The following SPECC1 variants were observed in gnomAD, a reference collection of about 807,000 sequenced individuals.
The protein encoded by SPECC1 is sperm antigen with calponin homology and coiled-coil domains 1, also known as cytospin-B.
Under a neutral mutation model 104.1 loss-of-function variants are expected in SPECC1, and 62 were observed. The ratio of observed to expected loss-of-function variants is 0.60; its 90% CI spans 0.49 to 0.74. SPECC1 has a LOEUF of 0.74. Ranked by LOEUF, SPECC1 falls within the 30% of genes least tolerant of loss-of-function variation. SPECC1 has a pLI of 0.00. For synonymous variants in SPECC1, 513 were observed against 501.6 expected (o/e 1.02, Z -0.30); for missense variants, 1,306 against 1,310.5 (o/e 1.00, Z 0.05).
chr17:20,126,431 A>G (rs1289873511), intron 3 of SPECC1: 2 of 152,214 alleles, frequency 1.3e-5, no homozygotes, highest in Non-Finnish European at 2.9e-5. Flanking sequence ...ATCCTTACAC[A>G]GGAACCATGC....
intron 3 of SPECC1, among the ~76,000 whole-genome samples, chr17:20,195,560 A>ATTT (rs35368324): frequency 7.1e-6 from 1 of 140,308 alleles, no homozygotes; most frequent in Non-Finnish European, 1.5e-5. Flanking sequence ...ATAAAACCCA[A>ATTT]TTTTTTTTTT....
intron 3 of SPECC1, among the ~76,000 whole-genome samples, chr17:20,181,865 C>T (rs1202139964): frequency 6.6e-6 from 1 of 151,860 alleles, no homozygotes; most frequent in Non-Finnish European, 1.5e-5. Context: ...GTTCATAAAA[C>T]AAGACCTGAG....
At chr17:20,177,706 A>G (rs1032051268) in intron 3 of SPECC1, among the ~76,000 whole-genome samples, 3 of 151,908 alleles carry the variant, frequency 2.0e-5, no homozygotes, top group Admixed American at 1.3e-4. Flanking sequence ...TTTGTATTTT[A>G]TTTTATTTAT....
chr17:20,308,923 AATTAAT>A (rs1433003307), intron 14 of SPECC1, among the ~76,000 whole-genome samples: 4 of 152,230 alleles, frequency 2.6e-5, no homozygotes, highest in Non-Finnish European at 5.9e-5. Flanking sequence ...GTAGTGTTGT[AATTAAT>A]ATTTACTTCT....
Position 20,314,122 on chromosome 17 carries a change from G to A in SPECC1, c.*57G>A, listed in dbSNP as rs560655065. ...ACCTACTGCAGCTTTTCCTGGAAGCGCCTGATTACTGTCCACTGACCCTGC... is the reference window on the plus strand; with the variant it reads ...ACCTACTGCAGCTTTTCCTGGAAGCACCTGATTACTGTCCACTGACCCTGC... On this transcript the variant is annotated 3_prime_UTR_variant, in exon 15 of 15. Transcript: ENST00000395527. 4.0e-5 allele frequency: 59 copies of A among 1,469,488 alleles called. No homozygotes were observed. The African/African-American group carries it at 4.7e-4, about 12-fold the overall frequency. 91.0% of individuals were successfully genotyped at this position (1,469,488 alleles called of 1,614,324 possible).
intron 1 of SPECC1, among the ~76,000 whole-genome samples, chr17:20,037,055 T>C (rs749285974): frequency 6.6e-6 from 1 of 152,188 alleles, no homozygotes; most frequent in Non-Finnish European, 1.5e-5. Flanking sequence ...TTTTCTGCAT[T>C]GATTGATGTG....
At chr17:20,102,742 G>A (rs184659944) in intron 2 of SPECC1, among the ~76,000 whole-genome samples, 1 of 151,994 alleles carries the variant, frequency 6.6e-6, no homozygotes, top group Non-Finnish European at 1.5e-5. Flanking sequence ...TGGAATCCCC[G>A]TTGCATTGCG....
At chr17:20,183,261 C>G (rs1323842199) in intron 3 of SPECC1, among the ~76,000 whole-genome samples, 1 of 152,148 alleles carries the variant, frequency 6.6e-6, no homozygotes, top group African/African-American at 2.4e-5. Flanking sequence ...ATGTCTACCC[C>G]TGTGGTGTGT....
intron 7 of SPECC1, 139 bp downstream of exon 7, chr17:20,232,544 C>G: frequency 1.1e-6 from 1 of 932,780 alleles, no homozygotes; most frequent in Non-Finnish European, 1.6e-6. Context: ...CTAGCACCAC[C>G]TTACCACTAG....
chr17:20,163,660 A>T (rs550218687), intron 3 of SPECC1, among the ~76,000 whole-genome samples: 1 of 151,046 alleles, frequency 6.6e-6, no homozygotes, highest in Non-Finnish European at 1.5e-5. Context: ...TCCTGGGTGC[A>T]GGCGGTCCTC....
chr17:20,087,948 C>T (rs1002238584), intron 1 of SPECC1, among the ~76,000 whole-genome samples: 43 of 152,238 alleles, frequency 2.8e-4, no homozygotes, highest in African/African-American at 1.0e-3. Context: ...GAGAAAGGAG[C>T]CCACTGTGTG....
chr17:20,088,095 C>G (rs541798578), intron 1 of SPECC1, among the ~76,000 whole-genome samples: 1 of 151,700 alleles, frequency 6.6e-6, no homozygotes, highest in Admixed American at 6.6e-5. Context: ...CAGAGCTAGG[C>G]GAGGAGGTGG....
chr17:20,288,334 G>T (rs1567609481), intron 12 of SPECC1, among the ~76,000 whole-genome samples: 1 of 151,932 alleles, frequency 6.6e-6, no homozygotes, highest in Non-Finnish European at 1.5e-5. Context: ...GGGTCAAATG[G>T]TTTTTCTTCT....
chr17:20,293,710 A>G (rs1242692470), intron 12 of SPECC1, among the ~76,000 whole-genome samples: 1 of 152,216 alleles, frequency 6.6e-6, no homozygotes, highest in Non-Finnish European at 1.5e-5. Context: ...CCTAAAACTC[A>G]GCCAAGCCCA....
intron 1 of SPECC1, among the ~76,000 whole-genome samples, chr17:20,060,095 T>C (rs1378519887): frequency 2.6e-5 from 4 of 152,212 alleles, no homozygotes; most frequent in African/African-American, 9.6e-5. Flanking sequence ...TCATTAACTT[T>C]GGGGCTCTTC....
At position 20,265,297 on chromosome 17, in the gene SPECC1, G is replaced by GC. The variant is rs571479755; in HGVS notation, c.2940+5005dup. On this transcript the variant is annotated intron_variant, in intron 12 of 14. Coordinates refer to ENST00000395527, the MANE Select transcript of SPECC1 (RefSeq NM_001243439.2). ...GCTATTTTTTGGCTTTTTAATAATA[G>GC]CCTCCTGGCTAGTGTTAGATGGTAT... is the stretch of plus-strand genomic sequence containing the variant. Among the ~76,000 whole-genome samples, 173 of 152,194 alleles carry GC rather than the reference G, an allele frequency of 1.1e-3. 1 individual carries two copies. The highest frequency in any genetic ancestry group is 4.1e-3 in the Admixed American group (63 of 15,274).
Position 20,051,619 on chromosome 17 carries a change from A to G in SPECC1, c.-22+42195A>G, listed in dbSNP as rs117072450. Among the ~76,000 whole-genome samples the G allele has an allele frequency of 9.2e-3, 1,402 of 152,216 alleles. 10 individuals carry two copies. Among genetic ancestry groups the G allele is most frequent in the Non-Finnish European group, 0.014 (986 of 68,030 alleles). Reference sequence around the variant, plus strand: ...TTTTTTTCCTTTATTTGTTCATTCAACAAATATTAATTACTTGCTCTGTGC... The same window carrying G: ...TTTTTTTCCTTTATTTGTTCATTCAGCAAATATTAATTACTTGCTCTGTGC... On this transcript the variant is annotated intron_variant, in intron 1 of 14. Transcript: ENST00000395527.
chr17:20,219,339 T>TCATGACTTTTGGATAAAAGC (rs1161632149), intron 4 of SPECC1, among the ~76,000 whole-genome samples: 16 of 152,186 alleles, frequency 1.1e-4, no homozygotes, highest in African/African-American at 3.9e-4. Flanking sequence ...TGAATAAAAG[T>TCATGACTTTTGGATAAAAGC]CATGACTTTT....
intron 13 of SPECC1, among the ~76,000 whole-genome samples, chr17:20,298,948 A>AGAGAGAGAGAGAGAGTGT: frequency 4.1e-5 from 2 of 49,068 alleles, no homozygotes; most frequent in Non-Finnish European, 7.3e-5. Context: ...AGAGAGAGAG[A>AGAGAGAGAGAGAGAGTGT]GTGTGTGTGT....
Sources: gnomAD v4.1 joint callset for allele counts (sites outside exome capture counted in the v4.1 genomes callset) on GRCh38, gnomAD v4.1.1 for gene constraint, MANE v1.5 for transcripts, NCBI Gene and HGNC (gene_info 2026-07-23, HGNC 2026-07-21) for gene names.